Variants in LRP6 observed in about 807,000 individuals in gnomAD.
LRP6 encodes LDL receptor related protein 6.
A neutral mutation model predicts 184.1 loss-of-function variants in LRP6; 43 were observed. The observed-to-expected ratio is 0.23, with a 90% CI of 0.18 to 0.30. LRP6 has a LOEUF of 0.30. LRP6 is among the 10% of genes least tolerant of loss of function. The pLI, the probability that LRP6 is intolerant of heterozygous loss-of-function variation, is 1.00. For synonymous variants in LRP6, 719 were observed against 684.9 expected (o/e 1.05, Z -0.78); for missense variants, 1,571 against 2,005.3 (o/e 0.78, Z 4.14).
chr12:12,145,249 T>C (rs1023328767), intron 15 of LRP6, among the ~76,000 whole-genome samples: 15 of 151,956 alleles, frequency 9.9e-5, no homozygotes, highest in African/African-American at 2.2e-4. Flanking sequence ...CGTGTAACTA[T>C]ACATGCGTAA....
chr12:12,165,034 T>C (rs1453493468), intron 8 of LRP6, 45 bp downstream of exon 8: 2 of 1,503,024 alleles, frequency 1.3e-6, no homozygotes, highest in Non-Finnish European at 1.9e-6. Context: ...TCCATCTTTT[T>C]TCATTCCTGG....
At chr12:12,158,334 T>C (rs1862650380) in intron 12 of LRP6, among the ~76,000 whole-genome samples, 1 of 149,080 alleles carries the variant, frequency 6.7e-6, no homozygotes, top group Non-Finnish European at 1.5e-5. Flanking sequence ...TAATTTTTCC[T>C]TTTTTTTTGA....
chr12:12,265,421 C>A (rs1222408233), intron 1 of LRP6, among the ~76,000 whole-genome samples: 2 of 152,078 alleles, frequency 1.3e-5, no homozygotes, highest in African/African-American at 4.8e-5. Flanking sequence ...CAAAAAAAAA[C>A]TCAATCATTC....
At chr12:12,204,815 AAGTT>A (rs1259856770) in intron 2 of LRP6, among the ~76,000 whole-genome samples, 14 of 148,880 alleles carry the variant, frequency 9.4e-5, no homozygotes, top group Admixed American at 4.0e-4. Context: ...AAAAAAAAAA[AAGTT>A]AGCCAGGAGT....
intron 7 of LRP6, among the ~76,000 whole-genome samples, chr12:12,170,580 TAG>T (rs1240318060): frequency 4.6e-5 from 7 of 152,132 alleles, no homozygotes; most frequent in African/African-American, 1.4e-4. Flanking sequence ...TGTGCTGGAT[TAG>T]AGTCTTCAGA....
intron 1 of LRP6, among the ~76,000 whole-genome samples, chr12:12,261,146 C>A (rs1277311896): frequency 6.6e-6 from 1 of 152,092 alleles, no homozygotes; most frequent in Non-Finnish European, 1.5e-5. Context: ...CATGGCCGGG[C>A]GCGGTGGCTC....
At chr12:12,250,766 G>A (rs1416024009) in intron 1 of LRP6, among the ~76,000 whole-genome samples, 1 of 151,720 alleles carries the variant, frequency 6.6e-6, no homozygotes, top group Non-Finnish European at 1.5e-5. Context: ...GGGACTACAG[G>A]CGCCCAACAC....
At chr12:12,122,834 AAAAAATAAAAAT>A (rs1168248564) in intron 22 of LRP6, among the ~76,000 whole-genome samples, 1 of 151,624 alleles carries the variant, frequency 6.6e-6, no homozygotes, top group Non-Finnish European at 1.5e-5. Context: ...CCTGTCTCAA[AAAAAATAAAAAT>A]AAAAATAAAA....
At chr12:12,259,023 A>T (rs529832335) in intron 1 of LRP6, among the ~76,000 whole-genome samples, 1 of 152,360 alleles carries the variant, frequency 6.6e-6, no homozygotes, top group South Asian at 2.1e-4. Flanking sequence ...GCACTTTGGA[A>T]GGCCAAAGCG....
rs543764163 is a variant in LRP6, at chr12:12,121,050, T to TC, written c.*75dup. ...GCCTCATCCTTCTCTAATAGCTCCC[T>TC]CCCCCCCTCCAGATCTCAACCAAAT... On this transcript the variant is annotated 3_prime_UTR_variant, in exon 23 of 23. Coordinates refer to ENST00000261349, the MANE Select transcript of LRP6 (RefSeq NM_002336.3). The TC allele has an allele frequency of 6.6e-4, 885 of 1,336,872 alleles. 4 individuals are homozygous for TC. In the African/African-American group the frequency reaches 9.5e-3, roughly 14 times the overall value. 82.8% of individuals were successfully genotyped at this position (1,336,872 alleles called of 1,614,324 possible). A position where few individuals can be genotyped will look rare whatever the true frequency, so the allele number is the denominator to read the frequency against.
chr12:12,178,116 T>C (rs1863242232), intron 7 of LRP6, among the ~76,000 whole-genome samples: 1 of 152,136 alleles, frequency 6.6e-6, no homozygotes, highest in African/African-American at 2.4e-5. Flanking sequence ...CACTGCAAAC[T>C]AGGAAAATAA....
At chr12:12,157,010 G>T (rs1375295301) in intron 12 of LRP6, among the ~76,000 whole-genome samples, 2 of 152,172 alleles carry the variant, frequency 1.3e-5, no homozygotes, top group Non-Finnish European at 2.9e-5. Context: ...CTCTCACACT[G>T]CCATGGCGAG....
intron 2 of LRP6, among the ~76,000 whole-genome samples, chr12:12,213,629 C>T (rs1177684411): frequency 6.6e-6 from 1 of 151,980 alleles, no homozygotes; most frequent in African/African-American, 2.4e-5. Flanking sequence ...TAAGTTTTCA[C>T]TTAAAAATTT....
intron 2 of LRP6, among the ~76,000 whole-genome samples, chr12:12,204,301 A>AC (rs1863992940): frequency 7.4e-6 from 1 of 135,720 alleles, no homozygotes; most frequent in Admixed American, 7.5e-5. Flanking sequence ...AAAAAAAAGG[A>AC]GGGGGGGGTC....
In LRP6 at chr12:12,189,749, C is replaced by G. The variant is rs184659232; in HGVS notation, c.648-2630G>C. Among the ~76,000 whole-genome samples the G allele has an allele frequency of 2.4e-4, 36 of 152,298 alleles. 1 individual carries two copies. The highest frequency in any genetic ancestry group is 2.0e-3 in the Admixed American group (31 of 15,294). On this transcript the variant is annotated intron_variant, in intron 3 of 22. Transcript: ENST00000261349. ...CTCCTGACCTCAGGTGATCTGCCCA[C>G]CTTGGCCTCCTAAAATGCTGGGATT...
rs755239605 is a variant in LRP6, at chr12:12,266,663, T to C, written c.55+18A>G. On this transcript the variant is annotated intron_variant, in intron 1 of 22. Coordinates refer to ENST00000261349, the MANE Select transcript of LRP6 (RefSeq NM_002336.3). The stretch of plus-strand genomic sequence containing the variant: ...CCCCCGAACCCCACCAACTTTCCAG[T>C]GCCCCCACTCTTCCCACCTCTCAGG... 3 of 1,607,248 alleles carry C rather than the reference T, an allele frequency of 1.9e-6. No homozygotes were observed. Among genetic ancestry groups the C allele is most frequent in the South Asian group, 1.1e-5 (1 of 90,362 alleles).
intron 19 of LRP6, 87 bp from the exon 20 acceptor site, chr12:12,127,008 T>G (rs1949681880): frequency 9.2e-7 from 1 of 1,087,806 alleles, no homozygotes; most frequent in Admixed American, 1.8e-5. Flanking sequence ...GCTAATAGGA[T>G]GTGAAGCTAT....
rs1306098006 is a variant in LRP6 at position 12,116,343 on chromosome 12, C to T, written c.*4783G>A. The T allele has an allele frequency of 6.6e-6, 1 of 152,160 alleles. No individual in the cohort carries two copies. The highest frequency in any genetic ancestry group is 1.9e-4 in the East Asian group (1 of 5,198). The allele number at this position is 152,160 out of a possible 1,614,324, so 9.4% of individuals were successfully genotyped here. ...AAAGATAAACATCTGAAAGCAGCAC[C>T]AGATCCTTCACTTGCAAATAAGGCT... is the stretch of plus-strand genomic sequence containing the variant. On this transcript the variant is annotated 3_prime_UTR_variant, in exon 23 of 23. Transcript: ENST00000261349.
At chr12:12,198,375 T>C (rs1863823233) in intron 3 of LRP6, among the ~76,000 whole-genome samples, 1 of 152,150 alleles carries the variant, frequency 6.6e-6, no homozygotes, top group African/African-American at 2.4e-5. Context: ...TTTGTCTTTC[T>C]GTATTTCTTT....
Sources: allele counts gnomAD v4.1 joint callset (sites outside exome capture counted in the v4.1 genomes callset), GRCh38; gene constraint gnomAD v4.1.1; transcripts MANE v1.5; gene names NCBI Gene and HGNC (gene_info 2026-07-23, HGNC 2026-07-21).